The following SLC8A1 variants were observed in gnomAD, a reference collection of about 807,000 sequenced individuals.
The protein encoded by SLC8A1 is sodium/calcium exchanger 1.
SLC8A1 carries 18 observed loss-of-function variants against 68.3 expected under a neutral mutation model. That is an observed-to-expected ratio of 0.26 (90% CI 0.18 to 0.39). SLC8A1 has a LOEUF of 0.39. Ranked by LOEUF, SLC8A1 falls within the 10% of genes least tolerant of loss-of-function variation. The pLI, the probability that SLC8A1 is intolerant of heterozygous loss-of-function variation, is 1.00. For missense variants in SLC8A1, 985 were observed against 1,156.7 expected (o/e 0.85, Z 2.15); for synonymous variants, 475 against 415.5 (o/e 1.14, Z -1.74).
At chr2:40,240,356 C>G (rs780607806) in intron 2 of SLC8A1, among the ~76,000 whole-genome samples, 2 of 150,902 alleles carry the variant, frequency 1.3e-5, no homozygotes, top group Admixed American at 6.6e-5. Flanking sequence ...AGAAAATACT[C>G]TAACCATTCA....
intron 2 of SLC8A1, among the ~76,000 whole-genome samples, chr2:40,386,973 T>G (rs1683765428): frequency 6.6e-6 from 1 of 151,364 alleles, no homozygotes; most frequent in African/African-American, 2.5e-5. Context: ...TGGTGTACAC[T>G]TGAATAAAGA....
intron 1 of SLC8A1, among the ~76,000 whole-genome samples, chr2:40,489,562 C>T (rs1360999881): frequency 1.3e-5 from 2 of 152,060 alleles, no homozygotes; most frequent in South Asian, 2.1e-4. Context: ...GCTGGTGTAA[C>T]GGGACTGTGA....
chr2:40,483,813 C>T (rs10205402), intron 1 of SLC8A1, among the ~76,000 whole-genome samples: 44,144 of 151,982 alleles, frequency 0.29, 7,318 homozygotes, highest in Non-Finnish European at 0.39. Context: ...TCATGGTCCA[C>T]GAGACAGTAC....
At chr2:40,477,060 A>G (rs1309004506) in intron 1 of SLC8A1, among the ~76,000 whole-genome samples, 1 of 152,190 alleles carries the variant, frequency 6.6e-6, no homozygotes, top group Non-Finnish European at 1.5e-5. Flanking sequence ...CATTTTTCCT[A>G]TAGCAAACAT....
At chr2:40,242,520 A>G (rs1165323907) in intron 2 of SLC8A1, among the ~76,000 whole-genome samples, 1 of 152,172 alleles carries the variant, frequency 6.6e-6, no homozygotes, top group African/African-American at 2.4e-5. Flanking sequence ...AACAAGAACA[A>G]TGGTTGCATC....
chr2:40,333,914 G>C (rs1371386035), intron 2 of SLC8A1, among the ~76,000 whole-genome samples: 3 of 152,090 alleles, frequency 2.0e-5, no homozygotes, highest in Non-Finnish European at 4.4e-5. Context: ...CGGACATGGT[G>C]GTGCACACCT....
intron 7 of SLC8A1, among the ~76,000 whole-genome samples, chr2:40,117,492 G>A (rs1465369296): frequency 6.6e-6 from 1 of 150,680 alleles, no homozygotes; most frequent in Admixed American, 6.6e-5. Context: ...TTGAACCCGG[G>A]AGGTGGAGGT....
At chr2:40,276,439 G>T (rs919485062) in intron 2 of SLC8A1, among the ~76,000 whole-genome samples, 4 of 152,080 alleles carry the variant, frequency 2.6e-5, no homozygotes, top group African/African-American at 9.7e-5. Flanking sequence ...AAATAGATTT[G>T]GTATATTTTC....
chr2:40,361,750 G>T (rs1674691069), intron 2 of SLC8A1, among the ~76,000 whole-genome samples: 1 of 151,970 alleles, frequency 6.6e-6, no homozygotes. Context: ...CACGTATCGG[G>T]TAGGAAGGAT....
chr2:40,478,723 A>G (rs942698197), intron 1 of SLC8A1, among the ~76,000 whole-genome samples: 1 of 151,062 alleles, frequency 6.6e-6, no homozygotes, highest in Non-Finnish European at 1.5e-5. Context: ...AAGGAAATTT[A>G]TATCAATTTC....
chr2:40,147,764 A>G (rs867063905), intron 6 of SLC8A1, among the ~76,000 whole-genome samples: 4 of 152,216 alleles, frequency 2.6e-5, no homozygotes, highest in African/African-American at 9.6e-5. Context: ...TCTGCTCCAC[A>G]TGCAGAGGGG....
At chr2:40,116,882 G>A (rs551960069) in intron 7 of SLC8A1, 1 of 152,316 alleles carries the variant, frequency 6.6e-6, no homozygotes, top group East Asian at 1.9e-4. Context: ...TTGATGGGTA[G>A]AACACAGGGG....
At chr2:40,198,262 C>G (rs1177860304) in intron 2 of SLC8A1, among the ~76,000 whole-genome samples, 1 of 151,836 alleles carries the variant, frequency 6.6e-6, no homozygotes, top group Non-Finnish European at 1.5e-5. Flanking sequence ...ATAACGGTAG[C>G]AAAAAACCTC....
chr2:40,418,092 T>A (rs1694414483), intron 2 of SLC8A1, among the ~76,000 whole-genome samples: 1 of 152,188 alleles, frequency 6.6e-6, no homozygotes, highest in Non-Finnish European at 1.5e-5. Flanking sequence ...GAGAAAGATG[T>A]TCCTTCCCTA....
chr2:40,214,562 C>T (rs1223466045), intron 2 of SLC8A1, among the ~76,000 whole-genome samples: 1 of 151,988 alleles, frequency 6.6e-6, no homozygotes, highest in African/African-American at 2.4e-5. Context: ...CTGCCTCCGC[C>T]TCCCGAGTAG....
chr2:40,118,562 A>C (rs1471795341), intron 7 of SLC8A1: 1 of 151,230 alleles, frequency 6.6e-6, no homozygotes, highest in Non-Finnish European at 1.5e-5. Flanking sequence ...CATTATTAAA[A>C]GTTAATAGAA....
At chr2:40,504,850 C>G (rs895998986) in intron 1 of SLC8A1, among the ~76,000 whole-genome samples, 1 of 151,856 alleles carries the variant, frequency 6.6e-6, no homozygotes, top group East Asian at 1.9e-4. Context: ...CCTTTGTACA[C>G]TCTTGGTGGG....
intron 2 of SLC8A1, among the ~76,000 whole-genome samples, chr2:40,302,031 CTGTGTGTGTGTGTGTG>C (rs374407377): frequency 2.2e-3 from 288 of 132,322 alleles, no homozygotes; most frequent in African/African-American, 7.7e-3. Flanking sequence ...CCGGGCTAAT[CTGTGTGTGTGTGTGTG>C]TGTGTGTGTG....
exon 3 of SLC8A1, chr2:40,177,840 A>G: frequency 6.5e-7 from 1 of 1,550,316 alleles, no homozygotes; most frequent in Non-Finnish European, 8.7e-7. Context: ...CAAATATTCT[A>G]ATGGTAATGA....
Sources: gnomAD v4.1 joint callset for allele counts (sites outside exome capture counted in the v4.1 genomes callset) on GRCh38, gnomAD v4.1.1 for gene constraint, MANE v1.5 for transcripts, NCBI Gene and HGNC (gene_info 2026-07-23, HGNC 2026-07-21) for gene names.